The following SHLD2 variants were observed in gnomAD, a reference collection of about 807,000 sequenced individuals.
The protein encoded by SHLD2 is RINN1-REV7-interacting novel NHEJ regulator 2.
In SHLD2, 30 loss-of-function variants were observed where a neutral mutation model predicts 73.2. The observed-to-expected ratio is 0.41, with a 90% CI of 0.31 to 0.56. The LOEUF (loss-of-function observed/expected upper bound fraction) is 0.56, where lower values mean the gene tolerates loss of function less well. SHLD2 is among the 20% of genes least tolerant of loss of function. The pLI is 0.28. For missense variants in SHLD2, 745 were observed against 1,055.9 expected (o/e 0.71, Z 4.08); for synonymous variants, 285 against 370.1 (o/e 0.77, Z 2.64).
At chr10:87,106,754 G>A (rs1168637321) in intron 2 of SHLD2, among the ~76,000 whole-genome samples, 1 of 152,174 alleles carries the variant, frequency 6.6e-6, no homozygotes, top group Non-Finnish European at 1.5e-5. Context: ...TTAGCACCTT[G>A]TTATCATCAA....
chr10:87,170,527 G>A lies in SHLD2; in HGVS notation c.1683G>A (p.Val561=). The A allele has an allele frequency of 6.2e-7, 1 of 1,611,866 alleles. No individual in the cohort carries two copies. Among genetic ancestry groups the A allele is most frequent in the East Asian group, 2.2e-5 (1 of 44,852 alleles). Residue 561 remains valine, a synonymous_variant, in exon 5 of 10, where the codon GTG becomes GTA. Transcript: ENST00000298786. ...EVVLQDLLAY[V]SSKHSYLRDL... is the part of the protein sequence containing the mutation. ...TACTTCAAGACTTACTGGCATATGT[G>A]TCCTCAAAACATTCCTACCTCAGAG...
intron 2 of SHLD2, among the ~76,000 whole-genome samples, chr10:87,125,057 A>G (rs1285047875): frequency 6.6e-6 from 1 of 152,198 alleles, no homozygotes; most frequent in African/African-American, 2.4e-5. Context: ...AAGTCATTAC[A>G]AAGAAATTAA....
chr10:87,175,868 G>GT, intron 6 of SHLD2, 21 bp from the exon 7 acceptor site: 1 of 1,546,978 alleles, frequency 6.5e-7, no homozygotes, highest in East Asian at 2.5e-5. Flanking sequence ...GGTGACTTTT[G>GT]TTTTTACTGT....
At chr10:87,094,713 C>T (rs762993047), upstream of SHLD2, 6 of 1,508,884 alleles carry the variant, frequency 4.0e-6, no homozygotes, top group Non-Finnish European at 5.3e-6. This position sits in a 1 kb window ranked among gnomAD's most constrained non-coding sequence, Gnocchi z 6.6. Flanking sequence ...ACGCCGAGCC[C>T]AGGGCAGCGG....
chr10:87,179,926 G>A, intron 7 of SHLD2, 149 bp from the exon 8 acceptor site: 1 of 684,226 alleles, frequency 1.5e-6, no homozygotes, highest in Non-Finnish European at 2.6e-6. Context: ...TTAGATTCTA[G>A]GAAAATAGTA....
chr10:87,170,430 A>G (rs1338050925), intron 4 of SHLD2, 48 bp from the exon 5 acceptor site: 1 of 1,262,512 alleles, frequency 7.9e-7, no homozygotes, highest in Non-Finnish European at 1.1e-6. Context: ...GTGAAGAAAA[A>G]TATAATGTTG....
At chr10:87,103,923 T>C (rs924189626) in intron 2 of SHLD2, among the ~76,000 whole-genome samples, 2 of 152,138 alleles carry the variant, frequency 1.3e-5, no homozygotes, top group Non-Finnish European at 2.9e-5. Flanking sequence ...GCAAGAAACA[T>C]GTGAGGTCTC....
At chr10:87,128,355 C>A (rs952186897) in intron 2 of SHLD2, among the ~76,000 whole-genome samples, 4 of 152,356 alleles carry the variant, frequency 2.6e-5, no homozygotes, top group African/African-American at 9.6e-5. Context: ...CATTTTCTTT[C>A]AAATTTCCCA....
At position 87,152,777 on chromosome 10, in the gene SHLD2, A is replaced by C. The variant is rs781517685; in HGVS notation, c.1423A>C (p.Thr475Pro). The C allele has an allele frequency of 6.8e-6, 11 of 1,611,804 alleles. No homozygotes were observed. Among genetic ancestry groups the C allele is most frequent in the Non-Finnish European group, 9.3e-6 (11 of 1,179,850 alleles). ...SGSKVPLATV[T>P]VIDQSETKKK... is the part of the protein sequence containing the mutation. ...CTCTAAAGTGCCTTTAGCAACAGTT[A>C]CAGTAATTGATCAATCAGAAACTAA... Residue 475 changes from threonine (T) to proline (P), a missense_variant, in exon 3 of 10, where the codon ACA (threonine) becomes CCA (proline). Thr to Pro is a conservative substitution (Grantham distance 38). Coordinates refer to ENST00000298786, the MANE Select transcript of SHLD2 (RefSeq NM_001330112.2).
intron 9 of SHLD2, among the ~76,000 whole-genome samples, chr10:87,189,915 C>G (rs764726335): frequency 2.6e-5 from 4 of 152,206 alleles, no homozygotes; most frequent in Non-Finnish European, 5.9e-5. Flanking sequence ...TTCTGATGTA[C>G]TGCAGCATAA....
intron 6 of SHLD2, among the ~76,000 whole-genome samples, chr10:87,171,454 C>G: frequency 6.6e-6 from 1 of 152,038 alleles, no homozygotes; most frequent in Non-Finnish European, 1.5e-5. Context: ...TTAGCCATCC[C>G]TAGAATGTTC....
chr10:87,155,230 C>T (rs1380147137), intron 3 of SHLD2, among the ~76,000 whole-genome samples: 2 of 152,224 alleles, frequency 1.3e-5, no homozygotes, highest in Admixed American at 6.5e-5. Flanking sequence ...CCACCGCACC[C>T]GGCCGAGTAC....
chr10:87,181,862 C>G (rs990082609), intron 8 of SHLD2, among the ~76,000 whole-genome samples: 40 of 151,460 alleles, frequency 2.6e-4, no homozygotes, highest in Non-Finnish European at 2.9e-4. Context: ...CTCTGCCTCC[C>G]AGGTTCAAGT....
At chr10:87,137,825 AAGCAACAGGAG>A (rs1256398994) in intron 2 of SHLD2, among the ~76,000 whole-genome samples, 7 of 152,226 alleles carry the variant, frequency 4.6e-5, no homozygotes, top group African/African-American at 1.2e-4. Flanking sequence ...GAGATCTTAC[AAGCAACAGGAG>A]AGCAACAGGA....
chr10:87,126,166 C>G (rs1023763346), intron 2 of SHLD2, among the ~76,000 whole-genome samples: 22 of 152,108 alleles, frequency 1.4e-4, no homozygotes, highest in African/African-American at 5.1e-4. Flanking sequence ...GCAGCCTTGA[C>G]CTTCTGGGCT....
At chr10:87,178,997 G>A (rs542663175) in intron 7 of SHLD2, among the ~76,000 whole-genome samples, 3 of 152,222 alleles carry the variant, frequency 2.0e-5, no homozygotes, top group Admixed American at 6.5e-5. Context: ...GACCTGGAGT[G>A]TTCTTACTTC....
intron 2 of SHLD2, among the ~76,000 whole-genome samples, chr10:87,125,576 A>T (rs935433850): frequency 3.3e-5 from 5 of 152,202 alleles, no homozygotes; most frequent in African/African-American, 1.2e-4. Context: ...CTCTACTGAA[A>T]ATACAAAAAA....
chr10:87,181,685 G>T (rs900711134), intron 8 of SHLD2, among the ~76,000 whole-genome samples: 8 of 151,770 alleles, frequency 5.3e-5, no homozygotes, highest in Non-Finnish European at 1.0e-4. Context: ...CCACATTAAA[G>T]ATGTAGTGCT....
chr10:87,147,562 G>A (rs2258894), intron 2 of SHLD2, among the ~76,000 whole-genome samples: 73,892 of 151,502 alleles, frequency 0.49, 18,564 homozygotes, highest in East Asian at 0.82. Context: ...ACACAGAAGC[G>A]GTAAATGTCG....
Sources: gnomAD v4.1 joint callset for allele counts (sites outside exome capture counted in the v4.1 genomes callset) on GRCh38, gnomAD v4.1.1 for gene constraint, Gnocchi (gnomAD v3.1) non-coding constraint, MANE v1.5 for transcripts, NCBI Gene and HGNC (gene_info 2026-07-23, HGNC 2026-07-21) for gene names.